The following RALGPS1 variants were observed in gnomAD, a reference collection of about 807,000 sequenced individuals.
RALGPS1 encodes Ral GEF with PH domain and SH3 binding motif 1.
Under a neutral mutation model 78.8 loss-of-function variants are expected in RALGPS1, and 19 were observed. The ratio of observed to expected loss-of-function variants is 0.24; its 90% CI spans 0.17 to 0.35. The LOEUF (loss-of-function observed/expected upper bound fraction) is 0.35. Among genes scored for constraint, RALGPS1 ranks in the 10% least tolerant of loss-of-function variants. The probability of loss-of-function intolerance (pLI) is 1.00; values close to 1 mark genes in which losing one functional copy is unlikely to be tolerated. For synonymous variants in RALGPS1, 228 were observed against 256.3 expected (o/e 0.89, Z 1.06); for missense variants, 454 against 688.3 (o/e 0.66, Z 3.81).
chr9:127,171,384 GAA>G (rs35453141), intron 10 of RALGPS1, among the ~76,000 whole-genome samples: 2 of 152,090 alleles, frequency 1.3e-5, no homozygotes, highest in African/African-American at 4.8e-5. Context: ...ACTTTCATGT[GAA>G]AAAAAAATGC....
At position 127,219,228 on chromosome 9, in the gene RALGPS1, C is replaced by G. The variant is rs554383951; in HGVS notation, c.*459C>G. 7.0e-5 allele frequency: 16 copies of G among 226,962 alleles called. No individual in the cohort carries two copies. In the East Asian group the frequency reaches 1.8e-3, roughly 25 times the overall value. The allele number at this position is 226,962 out of a possible 1,614,324, so 14.1% of individuals were successfully genotyped here. A position where few individuals can be genotyped will look rare whatever the true frequency, so the allele number is the denominator to read the frequency against. On this transcript the variant is annotated 3_prime_UTR_variant, in exon 19 of 19. Coordinates refer to ENST00000259351, the MANE Select transcript of RALGPS1 (RefSeq NM_014636.3). This position sits in a 1 kb window ranked among gnomAD's most constrained non-coding sequence, Gnocchi z 5.0. Reference sequence around the variant, plus strand: ...GGGCTGCCTCAGATTTTGTACAACCCCGAAGCGTCCTCTGCGTGTGCGTGC... The same window carrying G: ...GGGCTGCCTCAGATTTTGTACAACCGCGAAGCGTCCTCTGCGTGTGCGTGC...
chr9:126,996,559 A>G (rs1442249370), intron 4 of RALGPS1, among the ~76,000 whole-genome samples: 5 of 152,170 alleles, frequency 3.3e-5, no homozygotes, highest in Non-Finnish European at 7.4e-5. Context: ...CAACCAAAAA[A>G]AGTCCAGGAC....
At chr9:127,013,648 G>A (rs1235566705) in intron 4 of RALGPS1, among the ~76,000 whole-genome samples, 2 of 152,182 alleles carry the variant, frequency 1.3e-5, no homozygotes, top group African/African-American at 4.8e-5. Context: ...CCAATCTGTG[G>A]TTTTAAATCT....
At chr9:127,084,298 C>T (rs1363701907) in intron 8 of RALGPS1, among the ~76,000 whole-genome samples, 4 of 152,074 alleles carry the variant, frequency 2.6e-5, no homozygotes, top group African/African-American at 4.8e-5. Context: ...GTTTCTGGCC[C>T]GTGGCAACAG....
rs147721404 is a variant in RALGPS1, at chr9:127,212,635, G to C, written c.1362G>C (p.Ser454=). The C allele has an allele frequency of 1.2e-5, 20 of 1,609,808 alleles. No homozygotes were observed. The highest frequency in any genetic ancestry group is 3.3e-4 in the Middle Eastern group (2 of 6,066). The part of the protein sequence containing the change: ...LKEGRKPALS[S]WTRYWVILSG... ...CTCCCCTTCCTCTGTAGCTGTCCTC[G>C]TGGACCAGGTACTGGGTCATACTCT... The change falls in exon 16 of 19, where the codon TCG becomes TCC. Residue 454 remains serine (S), a synonymous_variant. Coordinates refer to ENST00000259351, the MANE Select transcript of RALGPS1 (RefSeq NM_014636.3). The surrounding 1 kb of genome is among the most constrained non-coding windows in gnomAD (Gnocchi z 6.0).
chr9:127,061,498 C>T (rs1440004409), intron 7 of RALGPS1, among the ~76,000 whole-genome samples: 1 of 152,188 alleles, frequency 6.6e-6, no homozygotes, highest in Non-Finnish European at 1.5e-5. Flanking sequence ...CACACTTTGT[C>T]CAAAGGTGAG....
intron 4 of RALGPS1, among the ~76,000 whole-genome samples, chr9:127,010,588 C>T (rs990621465): frequency 6.6e-5 from 10 of 152,166 alleles, no homozygotes; most frequent in African/African-American, 2.4e-4. Context: ...CCTCTTGGGG[C>T]CCTTCTGGCT....
chr9:127,040,758 A>G (rs1024248819), intron 5 of RALGPS1, among the ~76,000 whole-genome samples: 2 of 152,178 alleles, frequency 1.3e-5, no homozygotes, highest in African/African-American at 2.4e-5. Context: ...AGGGGAAGAT[A>G]GCAATCCAGA....
intron 1 of RALGPS1, among the ~76,000 whole-genome samples, chr9:126,953,475 C>T (rs953175506): frequency 6.6e-6 from 1 of 151,986 alleles, no homozygotes; most frequent in Admixed American, 6.6e-5. Flanking sequence ...CTAATTTGCC[C>T]AAACTGAAAA....
At chr9:127,042,620 G>A (rs777898766) in intron 5 of RALGPS1, among the ~76,000 whole-genome samples, 6 of 152,218 alleles carry the variant, frequency 3.9e-5, no homozygotes, top group Non-Finnish European at 8.8e-5. Flanking sequence ...AGGCAAGGAT[G>A]TGCTCTCTTA....
Position 127,202,138 on chromosome 9 carries a change from G to T in RALGPS1, c.1247+3072G>T, listed in dbSNP as rs370175715. ...AATAAGCCTGCCCAGGCTAGGAAGA[G>T]AAATAGAGCCAGATGCCAAGACGAA... On this transcript the variant is annotated intron_variant, in intron 14 of 18. Transcript: ENST00000259351. Among the ~76,000 whole-genome samples, 133 of 152,314 alleles carry T rather than the reference G, an allele frequency of 8.7e-4. 2 individuals are homozygous for T. The highest frequency in any genetic ancestry group is 3.2e-3 in the African/African-American group (132 of 41,564).
chr9:127,134,013 C>G lies in RALGPS1; in HGVS notation c.611-32056C>G, dbSNP rs367741264. On this transcript the variant is annotated intron_variant, in intron 8 of 18. Transcript: ENST00000259351. ...AAATGCTCTTGTCCTCGCTCCCCCC[C>G]CCGTGAATGCTGTGATTCAGCACAC... is the stretch of plus-strand genomic sequence containing the variant. Among the ~76,000 whole-genome samples, 53 of 151,656 alleles carry G rather than the reference C, an allele frequency of 3.5e-4. 3 individuals carry two copies. The South Asian group carries it at 6.3e-3, about 18-fold the overall frequency.
At chr9:127,121,542 T>C (rs1329026636) in intron 8 of RALGPS1, among the ~76,000 whole-genome samples, 1 of 152,192 alleles carries the variant, frequency 6.6e-6, no homozygotes, top group Non-Finnish European at 1.5e-5. Context: ...ACACATATCA[T>C]AGAAGGAGAA....
At chr9:126,998,872 C>T (rs1053118412) in intron 4 of RALGPS1, among the ~76,000 whole-genome samples, 8 of 151,452 alleles carry the variant, frequency 5.3e-5, no homozygotes, top group Admixed American at 2.6e-4. Context: ...TTTGTAGGGA[C>T]ATGGATGAAG....
At chr9:127,199,445 AC>A (rs1026083881) in intron 14 of RALGPS1, among the ~76,000 whole-genome samples, 20 of 152,016 alleles carry the variant, frequency 1.3e-4, no homozygotes, top group Non-Finnish European at 4.4e-5. Flanking sequence ...AGAATATTGC[AC>A]CCTAATGGCC....
At chr9:126,931,793 A>T in intron 1 of RALGPS1, among the ~76,000 whole-genome samples, 1 of 152,346 alleles carries the variant, frequency 6.6e-6, no homozygotes. Flanking sequence ...ATCTGAATTT[A>T]AAAAAATAAC....
At chr9:127,041,060 T>TGTGTGTGC (rs1194129527) in intron 5 of RALGPS1, among the ~76,000 whole-genome samples, 2 of 151,462 alleles carry the variant, frequency 1.3e-5, no homozygotes, top group Admixed American at 1.3e-4. Context: ...TGTGTGTGTG[T>TGTGTGTGC]GTGTGTATGT....
At chr9:127,145,260 C>T (rs1276546149) in intron 8 of RALGPS1, among the ~76,000 whole-genome samples, 2 of 152,234 alleles carry the variant, frequency 1.3e-5, no homozygotes, top group East Asian at 3.9e-4. Context: ...TCACTGTGGC[C>T]TCACAGTGGC....
chr9:127,000,569 A>C (rs1721540426), intron 4 of RALGPS1, among the ~76,000 whole-genome samples: 1 of 55,858 alleles, frequency 1.8e-5, no homozygotes, highest in Admixed American at 2.9e-4. Context: ...TTTTTTTGAG[A>C]TGGAGTTTCA....
Sources: gnomAD v4.1 joint callset for allele counts (sites outside exome capture counted in the v4.1 genomes callset) on GRCh38, gnomAD v4.1.1 for gene constraint, Gnocchi (gnomAD v3.1) non-coding constraint, MANE v1.5 for transcripts, NCBI Gene and HGNC (gene_info 2026-07-23, HGNC 2026-07-21) for gene names.